The following SEMA6D variants were observed in gnomAD, a reference collection of about 807,000 sequenced individuals.
SEMA6D encodes the protein semaphorin-6D.
SEMA6D carries 35 observed loss-of-function variants against 106.6 expected under a neutral mutation model. The observed-to-expected ratio is 0.33, with a 90% CI of 0.25 to 0.44. SEMA6D has a LOEUF of 0.44. Ranked by LOEUF, SEMA6D falls within the 20% of genes least tolerant of loss-of-function variation. The pLI is 1.00. For missense variants in SEMA6D, 1,185 were observed against 1,345.9 expected (o/e 0.88, Z 1.87); for synonymous variants, 499 against 487.7 (o/e 1.02, Z -0.31).
intron 4 of SEMA6D, among the ~76,000 whole-genome samples, chr15:47,687,431 A>G (rs1236487945): frequency 1.3e-5 from 2 of 152,174 alleles, no homozygotes; most frequent in Non-Finnish European, 2.9e-5. Context: ...CCAAGAAGCA[A>G]CGTTTAGGCT....
chr15:47,344,378 T>C (rs1210310340), intron 1 of SEMA6D, among the ~76,000 whole-genome samples: 1 of 152,040 alleles, frequency 6.6e-6, no homozygotes, highest in Non-Finnish European at 1.5e-5. Flanking sequence ...ATAAAATATA[T>C]GTAATAATGG....
intron 4 of SEMA6D, among the ~76,000 whole-genome samples, chr15:47,639,236 G>T (rs1453400587): frequency 3.3e-5 from 5 of 152,290 alleles, no homozygotes; most frequent in Non-Finnish European, 5.9e-5. Flanking sequence ...GTAAGGAAAT[G>T]CTCTAAAGAA....
chr15:47,684,970 A>G (rs974318978), intron 4 of SEMA6D, among the ~76,000 whole-genome samples: 1 of 152,242 alleles, frequency 6.6e-6, no homozygotes, highest in Non-Finnish European at 1.5e-5. Context: ...TAAATGATAA[A>G]GTGAAGTAAT....
chr15:47,337,386 A>G (rs554987079), intron 1 of SEMA6D, among the ~76,000 whole-genome samples: 4 of 152,324 alleles, frequency 2.6e-5, no homozygotes, highest in Non-Finnish European at 4.4e-5. Context: ...GGCCCTGATT[A>G]TAGCTGGCAA....
intron 3 of SEMA6D, among the ~76,000 whole-genome samples, chr15:47,546,080 G>A (rs1396586549): frequency 6.6e-6 from 1 of 152,124 alleles, no homozygotes; most frequent in Non-Finnish European, 1.5e-5. Flanking sequence ...AATAGGGAAG[G>A]ATGGAGCTAG....
intron 3 of SEMA6D, among the ~76,000 whole-genome samples, chr15:47,511,162 T>G (rs2044217902): frequency 6.6e-6 from 1 of 152,160 alleles, no homozygotes; most frequent in African/African-American, 2.4e-5. Flanking sequence ...GTGTTCATCT[T>G]TTTTCAGAGC....
At chr15:47,294,407 A>G (rs1254346567) in intron 1 of SEMA6D, among the ~76,000 whole-genome samples, 1 of 152,090 alleles carries the variant, frequency 6.6e-6, no homozygotes, top group African/African-American at 2.4e-5. Flanking sequence ...TATTTTTAGC[A>G]GAGACAGGAT....
chr15:47,574,720 T>C (rs1486704908), intron 3 of SEMA6D, among the ~76,000 whole-genome samples: 1 of 152,218 alleles, frequency 6.6e-6, no homozygotes, highest in Non-Finnish European at 1.5e-5. Context: ...TTTCCAGTAT[T>C]GCTATATGAT....
chr15:47,189,562 T>C (rs1180436681), intron 1 of SEMA6D, among the ~76,000 whole-genome samples: 1 of 152,210 alleles, frequency 6.6e-6, no homozygotes, highest in African/African-American at 2.4e-5. Flanking sequence ...CAAGGAGGCA[T>C]GGTTAGGCTA....
At chr15:47,645,813 A>G (rs1366333806) in intron 4 of SEMA6D, among the ~76,000 whole-genome samples, 4 of 152,092 alleles carry the variant, frequency 2.6e-5, no homozygotes, top group Non-Finnish European at 5.9e-5. Context: ...GGTTCCATTA[A>G]TTTGCTACAG....
intron 4 of SEMA6D, among the ~76,000 whole-genome samples, chr15:47,601,132 C>G (rs1290331359): frequency 1.3e-5 from 2 of 151,616 alleles, no homozygotes; most frequent in East Asian, 2.0e-4. Flanking sequence ...GAGAGAGAGA[C>G]AGTGTGTGTG....
intron 1 of SEMA6D, among the ~76,000 whole-genome samples, chr15:47,325,325 C>G (rs946500743): frequency 3.3e-5 from 5 of 152,122 alleles, no homozygotes; most frequent in South Asian, 2.1e-4. Flanking sequence ...AGGCGCCCAC[C>G]ACCAGGCCCG....
At chr15:47,537,611 C>T (rs1426336121) in intron 3 of SEMA6D, among the ~76,000 whole-genome samples, 1 of 152,108 alleles carries the variant, frequency 6.6e-6, no homozygotes, top group Non-Finnish European at 1.5e-5. Context: ...AAATGCTCTG[C>T]CGTGAGTTAG....
At chr15:47,394,396 A>C (rs1028730565) in intron 1 of SEMA6D, among the ~76,000 whole-genome samples, 2 of 152,204 alleles carry the variant, frequency 1.3e-5, no homozygotes, top group African/African-American at 2.4e-5. Context: ...TTTAATACTT[A>C]GTACAACTTT....
chr15:47,278,188 A>C (rs2034927842), intron 1 of SEMA6D, among the ~76,000 whole-genome samples: 2 of 152,300 alleles, frequency 1.3e-5, no homozygotes, highest in South Asian at 4.2e-4. Flanking sequence ...GAATTGCCAC[A>C]CTGACTTCCA....
intron 1 of SEMA6D, among the ~76,000 whole-genome samples, chr15:47,207,230 T>C (rs1447341626): frequency 4.6e-5 from 7 of 152,190 alleles, no homozygotes; most frequent in Admixed American, 4.6e-4. Flanking sequence ...AATCTCTCCA[T>C]TGACTTGCAG....
intron 3 of SEMA6D, among the ~76,000 whole-genome samples, chr15:47,549,907 T>C (rs1187863488): frequency 6.6e-6 from 1 of 152,180 alleles, no homozygotes; most frequent in African/African-American, 2.4e-5. Context: ...TTGCCTAAAG[T>C]TGCACAGGCA....
intron 1 of SEMA6D, among the ~76,000 whole-genome samples, chr15:47,318,470 A>G (rs1413848620): frequency 7.3e-6 from 1 of 137,020 alleles, no homozygotes; most frequent in Non-Finnish European, 1.5e-5. Flanking sequence ...TCGTGTGTCC[A>G]TGTGTTCTCA....
Position 47,759,924 on chromosome 15 carries a change from A to G in SEMA6D, c.109+17A>G. The G allele has an allele frequency of 1.3e-6, 2 of 1,535,318 alleles. No individual in the cohort carries two copies. The highest frequency in any genetic ancestry group is 1.8e-6 in the Non-Finnish European group (2 of 1,108,214). On this transcript the variant is annotated intron_variant, in intron 2 of 18. Coordinates refer to ENST00000536845, the MANE Select transcript of SEMA6D (RefSeq NM_001358351.3). ...ACTATCACTGTAAGTCGTCTCAAGAACAGTCTTCTATTCTGAGAAGGAAGC... is the reference window on the plus strand; with the variant it reads ...ACTATCACTGTAAGTCGTCTCAAGAGCAGTCTTCTATTCTGAGAAGGAAGC...
Sources: gnomAD v4.1 joint callset for allele counts (sites outside exome capture counted in the v4.1 genomes callset) on GRCh38, gnomAD v4.1.1 for gene constraint, MANE v1.5 for transcripts, NCBI Gene and HGNC (gene_info 2026-07-23, HGNC 2026-07-21) for gene names.